The following UBR3 variants were observed in gnomAD, a reference collection of about 807,000 sequenced individuals.
The protein encoded by UBR3 is E3 ubiquitin-protein ligase UBR3.
Under a neutral mutation model 243.2 loss-of-function variants are expected in UBR3, and 85 were observed. The observed-to-expected ratio is 0.35, with a 90% confidence interval of 0.29 to 0.42. The LOEUF (loss-of-function observed/expected upper bound fraction) is 0.42. UBR3 is among the 10% of genes least tolerant of loss of function. UBR3 has a pLI of 1.00. For missense variants in UBR3, 1,686 were observed against 2,300.8 expected (o/e 0.73, Z 5.47); for synonymous variants, 748 against 799.8 (o/e 0.94, Z 1.09).
chr2:169,855,876 C>G (rs967771686), intron 1 of UBR3, among the ~76,000 whole-genome samples: 3 of 152,336 alleles, frequency 2.0e-5, no homozygotes, highest in Non-Finnish European at 2.9e-5. Context: ...ACCTCCCAGA[C>G]GGGGTGGCGG....
At chr2:169,833,145 T>G (rs2081990169) in intron 1 of UBR3, among the ~76,000 whole-genome samples, 1 of 152,204 alleles carries the variant, frequency 6.6e-6, no homozygotes, top group African/African-American at 2.4e-5. Context: ...CCATGAATTC[T>G]GCATTTTTGA....
chr2:169,937,735 T>C (rs1228687618), intron 19 of UBR3, among the ~76,000 whole-genome samples: 3 of 152,202 alleles, frequency 2.0e-5, no homozygotes, highest in East Asian at 3.8e-4. Flanking sequence ...TGTCTGACAA[T>C]GTTGACTGCT....
intron 24 of UBR3, 23 bp downstream of exon 24, chr2:169,958,549 G>C: frequency 6.3e-7 from 1 of 1,595,758 alleles, no homozygotes; most frequent in Non-Finnish European, 8.6e-7. Context: ...TATTAGTTTA[G>C]AACTCTCATA....
chr2:169,844,038 C>CTTTTTTTTTTTTTTTT (rs1553490202), intron 1 of UBR3, among the ~76,000 whole-genome samples: 1 of 133,064 alleles, frequency 7.5e-6, no homozygotes. Flanking sequence ...CTGAGTTTCG[C>CTTTTTTTTTTTTTTTT]TCTTTTTGCC....
At chr2:169,953,190 TG>T (rs1244213056) in intron 23 of UBR3, among the ~76,000 whole-genome samples, 1 of 152,210 alleles carries the variant, frequency 6.6e-6, no homozygotes, top group African/African-American at 2.4e-5. Flanking sequence ...TGATAGGTTT[TG>T]TTTTCTTTGA....
chr2:169,989,841 C>T (rs945304226), intron 25 of UBR3, among the ~76,000 whole-genome samples: 3 of 152,116 alleles, frequency 2.0e-5, no homozygotes, highest in African/African-American at 7.2e-5. Flanking sequence ...TGTTGATGCT[C>T]GTGTTCTTCC....
chr2:169,852,656 A>G (rs1178558038), intron 1 of UBR3, among the ~76,000 whole-genome samples: 1 of 151,488 alleles, frequency 6.6e-6, no homozygotes, highest in Non-Finnish European at 1.5e-5. Context: ...CAGGTTGACC[A>G]ACGGGGTGAA....
chr2:169,976,639 G>A (rs1049572382), intron 24 of UBR3, among the ~76,000 whole-genome samples: 10 of 152,086 alleles, frequency 6.6e-5, no homozygotes, highest in South Asian at 2.1e-4. Flanking sequence ...AGTCTAATGG[G>A]GATTCCCTTA....
At position 169,909,808 on chromosome 2, in the gene UBR3, A is replaced by C. The variant is rs116539474; in HGVS notation, c.1779+3644A>C. On this transcript the variant is annotated intron_variant, in intron 10 of 38. Transcript: ENST00000272793. ...TAAATACATGTGTTTATTTTTTGTC[A>C]ATTAAATAAAAACATGCTGTGACAA... is the stretch of plus-strand genomic sequence containing the variant. Among the ~76,000 whole-genome samples the C allele has an allele frequency of 8.0e-3, 1,211 of 151,986 alleles. 18 individuals are homozygous for C. Among genetic ancestry groups the C allele is most frequent in the African/African-American group, 0.028 (1,149 of 41,436 alleles).
intron 1 of UBR3, among the ~76,000 whole-genome samples, chr2:169,842,574 C>T (rs1326348744): frequency 2.0e-5 from 3 of 152,128 alleles, no homozygotes; most frequent in Non-Finnish European, 2.9e-5. Flanking sequence ...TGAAGATCTG[C>T]AGCTTCACTC....
At chr2:169,965,355 G>T (rs2087758090) in intron 24 of UBR3, among the ~76,000 whole-genome samples, 1 of 151,956 alleles carries the variant, frequency 6.6e-6, no homozygotes, top group Non-Finnish European at 1.5e-5. Flanking sequence ...GTGTTGTAAG[G>T]ACATAAATAA....
At chr2:169,982,402 A>G (rs2088780473) in intron 24 of UBR3, among the ~76,000 whole-genome samples, 1 of 152,004 alleles carries the variant, frequency 6.6e-6, no homozygotes, top group Admixed American at 6.6e-5. Flanking sequence ...AAGGTTAAGA[A>G]AGGCAAAGGC....
intron 23 of UBR3, among the ~76,000 whole-genome samples, chr2:169,950,951 A>T (rs79228347): frequency 2.0e-5 from 3 of 150,526 alleles, no homozygotes; most frequent in South Asian, 2.1e-4. Context: ...CAGGACATTT[A>T]AAAAAAAGAT....
At chr2:169,914,187 T>A in intron 11 of UBR3, 41 bp downstream of exon 11, 1 of 1,097,926 alleles carries the variant, frequency 9.1e-7, no homozygotes, top group Non-Finnish European at 1.3e-6. Context: ...TTGATGTATG[T>A]AAAGACATTT....
At chr2:169,828,510 C>G (rs531060988) in intron 1 of UBR3, among the ~76,000 whole-genome samples, 59 of 151,856 alleles carry the variant, frequency 3.9e-4, no homozygotes, top group African/African-American at 1.4e-3. Flanking sequence ...ATGATGAGAG[C>G]TGGGGAGGTG....
chr2:170,024,815 T>C (rs2090486049), intron 30 of UBR3, among the ~76,000 whole-genome samples: 1 of 152,178 alleles, frequency 6.6e-6, no homozygotes, highest in Admixed American at 6.6e-5. Flanking sequence ...TATAATACTT[T>C]AGACTTGTCA....
At chr2:169,896,448 G>T (rs1026177760) in intron 7 of UBR3, 59 bp from the exon 8 acceptor site, 1 of 1,098,530 alleles carries the variant, frequency 9.1e-7, no homozygotes. Flanking sequence ...TATTGAAAAT[G>T]ATTTTAAATT....
chr2:169,954,981 G>C (rs72874426), intron 23 of UBR3, among the ~76,000 whole-genome samples: 16,295 of 152,128 alleles, frequency 0.11, 1,142 homozygotes, highest in Admixed American at 0.19. Flanking sequence ...TCATAACCTT[G>C]GCACTTTTAA....
chr2:170,001,939 A>AAAAGAAAG (rs1432466739), intron 27 of UBR3, among the ~76,000 whole-genome samples: 3 of 116,164 alleles, frequency 2.6e-5, no homozygotes, highest in Non-Finnish European at 5.1e-5. Context: ...AAAAAAAAAA[A>AAAAGAAAG]AAAGAAAGAA....
Sources: allele counts gnomAD v4.1 joint callset (sites outside exome capture counted in the v4.1 genomes callset), GRCh38; gene constraint gnomAD v4.1.1; transcripts MANE v1.5; gene names NCBI Gene and HGNC (gene_info 2026-07-23, HGNC 2026-07-21).